Variants in CPLX4 observed in about 807,000 individuals in gnomAD.
The protein encoded by CPLX4 is complexin-4.
In CPLX4, 17 loss-of-function variants were observed where a neutral mutation model predicts 16.1. The ratio of observed to expected loss-of-function variants is 1.06; its 90% CI spans 0.72 to 1.59. CPLX4 has a LOEUF of 1.59. Among genes scored for constraint, CPLX4 ranks in the 40% most tolerant of loss-of-function variants. The pLI is 0.00. For synonymous variants in CPLX4, 55 were observed against 57.8 expected, an observed-to-expected ratio of 0.95 and a Z score of 0.22; for missense variants, 193 against 192.9, an observed-to-expected ratio of 1.00 and a Z score of 0.00.
At chr18:59,317,524 T>C (rs967578018) in intron 1 of CPLX4, among the ~76,000 whole-genome samples, 1 of 152,142 alleles carries the variant, frequency 6.6e-6, no homozygotes, top group African/African-American at 2.4e-5. Flanking sequence ...ATATTTTATA[T>C]AGCCAAGAAA....
chr18:59,313,988 C>T (rs946810276), intron 1 of CPLX4, among the ~76,000 whole-genome samples: 20 of 152,196 alleles, frequency 1.3e-4, no homozygotes, highest in Admixed American at 1.3e-3. Context: ...TATGTCTTGA[C>T]TCCGAGTTTG....
intron 1 of CPLX4, among the ~76,000 whole-genome samples, chr18:59,316,059 C>G (rs1220657308): frequency 6.6e-6 from 1 of 152,168 alleles, no homozygotes; most frequent in African/African-American, 2.4e-5. Context: ...GGGGTCCAAA[C>G]AATTACTGAA....
At chr18:59,315,682 G>A (rs1026490704) in intron 1 of CPLX4, among the ~76,000 whole-genome samples, 3 of 151,930 alleles carry the variant, frequency 2.0e-5, no homozygotes, top group Non-Finnish European at 4.4e-5. Context: ...TTATGTTTAC[G>A]TGTATGATGC....
chr18:59,304,919 C>T (rs1032933013), intron 2 of CPLX4, among the ~76,000 whole-genome samples: 1 of 129,508 alleles, frequency 7.7e-6, no homozygotes, highest in Non-Finnish European at 1.6e-5. Context: ...ATTTACTCAA[C>T]AATCAGTGTG....
At chr18:59,315,874 G>A (rs1432787791) in intron 1 of CPLX4, among the ~76,000 whole-genome samples, 1 of 152,152 alleles carries the variant, frequency 6.6e-6, no homozygotes, top group African/African-American at 2.4e-5. Context: ...GCCACGCAGA[G>A]TTACATTCCA....
chr18:59,298,240 C>G (rs777134381), intron 2 of CPLX4, among the ~76,000 whole-genome samples: 1 of 152,084 alleles, frequency 6.6e-6, no homozygotes. Flanking sequence ...CAGGTATGCA[C>G]CCCCATACTC....
chr18:59,308,875 C>T (rs114907374), intron 2 of CPLX4, among the ~76,000 whole-genome samples: 2 of 152,126 alleles, frequency 1.3e-5, no homozygotes. Context: ...AGTGCGGGGA[C>T]GCGGGCGGGA....
intron 2 of CPLX4, among the ~76,000 whole-genome samples, chr18:59,305,648 G>A (rs1330861239): frequency 6.6e-6 from 1 of 152,166 alleles, no homozygotes. Flanking sequence ...ATGAGCAAGT[G>A]AGTTTTGGAT....
chr18:59,313,787 C>G (rs2070633988), intron 1 of CPLX4, among the ~76,000 whole-genome samples: 1 of 152,160 alleles, frequency 6.6e-6, no homozygotes, highest in Admixed American at 6.5e-5. Context: ...GCAGCCATGC[C>G]CAGATAGAAG....
chr18:59,299,403 T>A (rs2070524344), intron 2 of CPLX4, among the ~76,000 whole-genome samples: 1 of 152,204 alleles, frequency 6.6e-6, no homozygotes, highest in African/African-American at 2.4e-5. Context: ...TCCCCAAGCA[T>A]GTCACCAGGT....
chr18:59,316,247 T>C (rs567355962), intron 1 of CPLX4, among the ~76,000 whole-genome samples: 1 of 125,940 alleles, frequency 7.9e-6, no homozygotes, highest in African/African-American at 3.4e-5. Flanking sequence ...ATGTTACCAG[T>C]GGTGCGTGCG....
Position 59,302,392 on chromosome 18 carries a change from G to A in CPLX4, c.256-5467C>T, listed in dbSNP as rs571609525. On this transcript the variant is annotated intron_variant, in intron 2 of 2. Coordinates refer to ENST00000299721, the MANE Select transcript of CPLX4 (RefSeq NM_181654.4). ...GGCCGGAAGCAGCTCCAGGGAGGGA[G>A]GGAAGGCTCAAGGATGAGAACCGTG... Among the ~76,000 whole-genome samples, 6 of 152,360 alleles carry A rather than the reference G, an allele frequency of 3.9e-5. No individual in the cohort carries two copies. In the East Asian group the frequency reaches 7.7e-4, roughly 20 times the overall value.
At chr18:59,298,721 C>A (rs772098903) in intron 2 of CPLX4, among the ~76,000 whole-genome samples, 19 of 152,118 alleles carry the variant, frequency 1.2e-4, no homozygotes, top group Non-Finnish European at 2.1e-4. Flanking sequence ...AAACAGCACA[C>A]CAGGTAACCT....
chr18:59,314,695 A>G (rs1568107602), intron 1 of CPLX4, among the ~76,000 whole-genome samples: 1 of 152,074 alleles, frequency 6.6e-6, no homozygotes, highest in African/African-American at 2.4e-5. Context: ...GGCAACCACC[A>G]CGCCTTTTCT....
At chr18:59,313,139 C>A (rs1283998753) in intron 1 of CPLX4, among the ~76,000 whole-genome samples, 1 of 152,128 alleles carries the variant, frequency 6.6e-6, no homozygotes, top group East Asian at 1.9e-4. Context: ...CTGATCCTAG[C>A]CCTGCTGCAT....
chr18:59,312,829 C>T, intron 1 of CPLX4, 57 bp from the exon 2 acceptor site: 1 of 848,338 alleles, frequency 1.2e-6, no homozygotes, highest in Non-Finnish European at 2.0e-6. Flanking sequence ...ACATTCCTGC[C>T]CGTGCTCAGA....
Position 59,296,933 on chromosome 18 carries a change from A to T in CPLX4, c.256-8T>A. The T allele has an allele frequency of 6.2e-7, 1 of 1,600,930 alleles. No homozygotes were observed. Among genetic ancestry groups the T allele is most frequent in the Non-Finnish European group, 8.5e-7 (1 of 1,177,342 alleles). On this transcript the variant is annotated splice_region_variant and splice_polypyrimidine_tract_variant and intron_variant, in intron 2 of 2. Transcript: ENST00000299721. ...ATTCTCATCCATTTCACTCTATGTGAAAAATAAATAGAGATAGATAAATAA... is the reference window on the plus strand; with the variant it reads ...ATTCTCATCCATTTCACTCTATGTGTAAAATAAATAGAGATAGATAAATAA...
chr18:59,302,805 T>C (rs2070550926), intron 2 of CPLX4, among the ~76,000 whole-genome samples: 1 of 152,260 alleles, frequency 6.6e-6, no homozygotes, highest in Non-Finnish European at 1.5e-5. Context: ...GATACCATGA[T>C]AAATTATCTT....
chr18:59,304,143 C>T lies in CPLX4; in HGVS notation c.256-7218G>A, dbSNP rs192305872. Among the ~76,000 whole-genome samples, 731 of 152,186 alleles carry T rather than the reference C, an allele frequency of 4.8e-3. 5 individuals carry two copies. The highest frequency in any genetic ancestry group is 0.016 in the African/African-American group (651 of 41,518). On this transcript the variant is annotated intron_variant, in intron 2 of 2. Transcript: ENST00000299721. ...AGTTTCTCCTATATGCATCTTTATTCGAAATGAATGGTGCCCTTAATACGG... is the reference window on the plus strand; with the variant it reads ...AGTTTCTCCTATATGCATCTTTATTTGAAATGAATGGTGCCCTTAATACGG...
Sources: allele counts gnomAD v4.1 joint callset (sites outside exome capture counted in the v4.1 genomes callset), GRCh38; gene constraint gnomAD v4.1.1; transcripts MANE v1.5; gene names NCBI Gene and HGNC (gene_info 2026-07-23, HGNC 2026-07-21).